Variants in SYT9 observed in about 807,000 individuals in gnomAD.
SYT9 encodes the protein synaptotagmin 9.
A neutral mutation model predicts 48.4 loss-of-function variants in SYT9; 22 were observed. That is an observed-to-expected ratio of 0.45 (90% CI 0.32 to 0.65). The LOEUF is 0.65. Among genes scored for constraint, SYT9 ranks in the 30% least tolerant of loss-of-function variants. The probability of loss-of-function intolerance (pLI) is 0.03; values close to 1 mark genes in which losing one functional copy is unlikely to be tolerated. For synonymous variants in SYT9, 265 were observed against 245.0 expected, an observed-to-expected ratio of 1.08 and a Z score of -0.76; for missense variants, 577 against 622.0, an observed-to-expected ratio of 0.93 and a Z score of 0.77.
At chr11:7,276,768 C>G (rs1201258435) in intron 1 of SYT9, among the ~76,000 whole-genome samples, 1 of 152,168 alleles carries the variant, frequency 6.6e-6, no homozygotes, top group Admixed American at 6.5e-5. Flanking sequence ...TATCTGCCAG[C>G]CAGGCACAGT....
At chr11:7,295,453 A>G (rs1589921765) in intron 1 of SYT9, among the ~76,000 whole-genome samples, 1 of 152,300 alleles carries the variant, frequency 6.6e-6, no homozygotes, top group South Asian at 2.1e-4. Context: ...CTTTATCAGA[A>G]TGGTCTTTAC....
intron 3 of SYT9, among the ~76,000 whole-genome samples, chr11:7,333,413 C>T (rs1849578030): frequency 6.6e-6 from 1 of 152,286 alleles, no homozygotes; most frequent in East Asian, 1.9e-4. Flanking sequence ...GGCCCTGGCT[C>T]TCTAACCTGG....
chr11:7,383,166 A>G (rs919104884), intron 3 of SYT9, among the ~76,000 whole-genome samples: 3 of 152,226 alleles, frequency 2.0e-5, no homozygotes, highest in African/African-American at 2.4e-5. Flanking sequence ...GGCTTGGACC[A>G]TCAGTGTGAT....
chr11:7,376,662 G>C (rs538937662), intron 3 of SYT9, among the ~76,000 whole-genome samples: 2 of 152,132 alleles, frequency 1.3e-5, no homozygotes, highest in African/African-American at 4.8e-5. Context: ...TTCTAGAAAG[G>C]CCTGTTAGTC....
chr11:7,354,458 C>T (rs1370050595), intron 3 of SYT9, among the ~76,000 whole-genome samples: 2 of 152,166 alleles, frequency 1.3e-5, no homozygotes, highest in East Asian at 1.9e-4. Flanking sequence ...CACCTACCCT[C>T]GCTTGCCTCA....
intron 5 of SYT9, 102 bp from the exon 6 acceptor site, chr11:7,420,404 A>G (rs970468984): frequency 8.3e-6 from 12 of 1,451,556 alleles, no homozygotes; most frequent in Non-Finnish European, 1.0e-5. Flanking sequence ...AAACAAACAA[A>G]CAAAAAACCA....
chr11:7,393,453 T>C (rs1313806553), intron 3 of SYT9, among the ~76,000 whole-genome samples: 2 of 152,166 alleles, frequency 1.3e-5, no homozygotes, highest in Non-Finnish European at 2.9e-5. Context: ...TAATAAAGCC[T>C]ACTTGATCAT....
chr11:7,347,295 G>A (rs1221974125), intron 3 of SYT9, among the ~76,000 whole-genome samples: 1 of 151,714 alleles, frequency 6.6e-6, no homozygotes, highest in Non-Finnish European at 1.5e-5. Flanking sequence ...GCGATGGCAC[G>A]ATCTCAGCTC....
At chr11:7,351,497 G>T (rs1312346881) in intron 3 of SYT9, among the ~76,000 whole-genome samples, 1 of 152,152 alleles carries the variant, frequency 6.6e-6, no homozygotes, top group Non-Finnish European at 1.5e-5. Context: ...TGGAGCTCCA[G>T]ACTGCTCATT....
At chr11:7,379,569 T>C (rs534582694) in intron 3 of SYT9, among the ~76,000 whole-genome samples, 4 of 152,254 alleles carry the variant, frequency 2.6e-5, no homozygotes, top group South Asian at 2.1e-4. Flanking sequence ...GTTCTAATCA[T>C]TGGAATCATG....
intron 3 of SYT9, among the ~76,000 whole-genome samples, chr11:7,347,643 G>A (rs1329685177): frequency 2.0e-5 from 3 of 152,212 alleles, no homozygotes; most frequent in Non-Finnish European, 4.4e-5. Flanking sequence ...CAGGAAGATT[G>A]TGGATATGTG....
chr11:7,432,568 AAAAAAAAAAAAAAAATATATATACAT>A (rs1847606925), intron 6 of SYT9, among the ~76,000 whole-genome samples: 2 of 14,248 alleles, frequency 1.4e-4, no homozygotes, highest in South Asian at 3.3e-3. Context: ...AAAAAAAAAA[AAAAAAAAAAAAAAAATATATATACAT>A]ATATATATAT....
chr11:7,283,450 A>C (rs16924349), intron 1 of SYT9, among the ~76,000 whole-genome samples: 8,240 of 152,216 alleles, frequency 0.054, 461 homozygotes, highest in African/African-American at 0.15. Flanking sequence ...ACACACAGAC[A>C]AAACTGCATT....
intron 6 of SYT9, among the ~76,000 whole-genome samples, chr11:7,420,898 G>T (rs1348643658): frequency 6.6e-6 from 1 of 152,148 alleles, no homozygotes; most frequent in Non-Finnish European, 1.5e-5. Flanking sequence ...CTCTGCTTCT[G>T]TGTTAAGGCT....
chr11:7,429,621 A>G (rs79874914), intron 6 of SYT9, among the ~76,000 whole-genome samples: 8,405 of 152,270 alleles, frequency 0.055, 772 homozygotes, highest in African/African-American at 0.19. Context: ...GATACAGGTG[A>G]ACACTCACAC....
At chr11:7,288,944 G>C (rs889227759) in intron 1 of SYT9, among the ~76,000 whole-genome samples, 4 of 152,230 alleles carry the variant, frequency 2.6e-5, no homozygotes, top group Non-Finnish European at 5.9e-5. Context: ...TTTTTATAGA[G>C]AGTGTCTCAT....
At chr11:7,422,548 G>A (rs907157792) in intron 6 of SYT9, among the ~76,000 whole-genome samples, 2 of 149,814 alleles carry the variant, frequency 1.3e-5, no homozygotes, top group Non-Finnish European at 3.0e-5. Flanking sequence ...CACTAGCAGT[G>A]GCATTTAGAA....
At chr11:7,378,086 A>G (rs556279804) in intron 3 of SYT9, among the ~76,000 whole-genome samples, 1 of 148,216 alleles carries the variant, frequency 6.7e-6, no homozygotes, top group South Asian at 2.2e-4. Flanking sequence ...GGCCCTGAAG[A>G]TTGCACAGAG....
chr11:7,329,458 A>G (rs981538061), intron 3 of SYT9, among the ~76,000 whole-genome samples: 7 of 152,108 alleles, frequency 4.6e-5, no homozygotes, highest in Non-Finnish European at 1.5e-5. Flanking sequence ...CTCTGCTCAT[A>G]TAGTATTTTC....
Sources: allele counts gnomAD v4.1 joint callset (sites outside exome capture counted in the v4.1 genomes callset), GRCh38; gene constraint gnomAD v4.1.1; transcripts MANE v1.5; gene names NCBI Gene and HGNC (gene_info 2026-07-23, HGNC 2026-07-21).